CPT1A: variants seen among roughly 807,000 people sequenced by gnomAD.
CPT1A encodes the protein carnitine palmitoyltransferase 1A, also known as carnitine O-palmitoyltransferase 1, liver isoform.
A neutral mutation model predicts 100.8 loss-of-function variants in CPT1A; 64 were observed. The observed-to-expected ratio is 0.63, with a 90% confidence interval of 0.52 to 0.78. CPT1A has a LOEUF of 0.78. Ranked by LOEUF, CPT1A falls within the 30% of genes least tolerant of loss-of-function variation. The probability of loss-of-function intolerance (pLI) is 0.00; values close to 1 mark genes in which losing one functional copy is unlikely to be tolerated. For missense variants in CPT1A, 802 were observed against 1,034.1 expected (o/e 0.78, Z 3.08); for synonymous variants, 363 against 396.0 (o/e 0.92, Z 0.99).
intron 9 of CPT1A, among the ~76,000 whole-genome samples, chr11:68,789,060 G>A (rs1855547802): frequency 6.6e-6 from 1 of 152,168 alleles, no homozygotes; most frequent in Admixed American, 6.6e-5. Flanking sequence ...TACTGGAATT[G>A]TTTTGATACT....
intron 5 of CPT1A, among the ~76,000 whole-genome samples, chr11:68,800,357 G>C (rs3794021): frequency 0.17 from 25,925 of 152,082 alleles, 2,504 homozygotes; most frequent in African/African-American, 0.27. Context: ...GAAAGTAACA[G>C]TGGTCAGGTG....
intron 9 of CPT1A, chr11:68,785,706 G>A (rs1408750694): frequency 6.4e-6 from 2 of 312,450 alleles, no homozygotes; most frequent in Non-Finnish European, 5.9e-6. Flanking sequence ...AGAATTAAGA[G>A]ACGATATCCG....
rs556759074 is a variant in CPT1A, at chr11:68,837,517, C to T, written c.-14+4258G>A. ...TGGGGAGAGAATAGGGACGTGGTCT[C>T]GGGTCCAGATGTCCTCAGCCACAGT... On this transcript the variant is annotated intron_variant, in intron 1 of 18. Transcript: ENST00000265641. Among the ~76,000 whole-genome samples the T allele has an allele frequency of 2.6e-5, 4 of 152,210 alleles. No homozygotes were observed. The South Asian group carries it at 6.2e-4, about 24-fold the overall frequency.
chr11:68,769,839 A>C (rs1328320514), intron 14 of CPT1A, among the ~76,000 whole-genome samples: 3 of 152,078 alleles, frequency 2.0e-5, no homozygotes, highest in African/African-American at 7.2e-5. Flanking sequence ...ACTTGAGGTC[A>C]GGAGCTCGAG....
intron 14 of CPT1A, among the ~76,000 whole-genome samples, chr11:68,769,089 T>C (rs1207367275): frequency 6.6e-6 from 1 of 152,236 alleles, no homozygotes; most frequent in Non-Finnish European, 1.5e-5. Flanking sequence ...TTCTCTTGGA[T>C]TATTTTTTTC....
At chr11:68,773,160 C>G (rs1855038899) in intron 14 of CPT1A, 105 bp downstream of exon 14, 1 of 1,567,050 alleles carries the variant, frequency 6.4e-7, no homozygotes, top group Non-Finnish European at 8.6e-7. Flanking sequence ...TGTGCTTCTC[C>G]TATGCCGGGT....
At chr11:68,843,861 G>A (rs1027568841), upstream of CPT1A, among the ~76,000 whole-genome samples, 4 of 152,200 alleles carry the variant, frequency 2.6e-5, no homozygotes, top group African/African-American at 7.2e-5. This position sits in a 1 kb window ranked among gnomAD's most constrained non-coding sequence, Gnocchi z 4.0. Flanking sequence ...GGGCCTTCGC[G>A]GTTTGCACTA....
rs1566338636 is a variant in CPT1A, at chr11:68,760,317, A to G, written c.2050T>C (p.Leu684=). 1 of 1,612,008 alleles carries G rather than the reference A, an allele frequency of 6.2e-7. No individual in the cohort carries two copies. The highest frequency in any genetic ancestry group is 1.1e-5 in the South Asian group (1 of 90,608). Residue 684 remains leucine, a synonymous_variant, in exon 17 of 19, where the codon TTA becomes CTA. Coordinates refer to ENST00000265641, the MANE Select transcript of CPT1A (RefSeq NM_001876.4). ...LKEVLSEPWR[L]STSQTPQQQV... ...TGCTGAGGGGTCTGGCTTGTTGATAATCTCCAAGGCTCAGATAAAACCTAT... is the reference window on the plus strand; with the variant it reads ...TGCTGAGGGGTCTGGCTTGTTGATAGTCTCCAAGGCTCAGATAAAACCTAT...
At chr11:68,828,906 G>A (rs1488253539) in intron 1 of CPT1A, among the ~76,000 whole-genome samples, 1 of 152,132 alleles carries the variant, frequency 6.6e-6, no homozygotes, top group Non-Finnish European at 1.5e-5. Flanking sequence ...GCTGCCTTGG[G>A]CCCCTCTGGC....
In CPT1A at chr11:68,798,960, G is replaced by C. The variant is rs148749923; in HGVS notation, c.693+258C>G. On this transcript the variant is annotated intron_variant, in intron 6 of 18. Coordinates refer to ENST00000265641, the MANE Select transcript of CPT1A (RefSeq NM_001876.4). ...GAGGATCACTTGAGCCCAGGAGTTTGAGACCAGCCTGGTCAACATAGTGAG... is the reference window on the plus strand; with the variant it reads ...GAGGATCACTTGAGCCCAGGAGTTTCAGACCAGCCTGGTCAACATAGTGAG... Among the ~76,000 whole-genome samples, 20 of 152,100 alleles carry C rather than the reference G, an allele frequency of 1.3e-4. No individual in the cohort carries two copies. The East Asian group carries it at 3.1e-3, about 24-fold the overall frequency.
chr11:68,757,934 G>A (rs909507102), intron 18 of CPT1A, among the ~76,000 whole-genome samples: 8 of 152,088 alleles, frequency 5.3e-5, no homozygotes, highest in South Asian at 2.1e-4. Flanking sequence ...GTGTTTGTGC[G>A]GGTGTGTTGT....
At chr11:68,842,629 T>G (rs1236110966), upstream of CPT1A, among the ~76,000 whole-genome samples, 1 of 152,112 alleles carries the variant, frequency 6.6e-6, no homozygotes, top group Non-Finnish European at 1.5e-5. Context: ...ACTAAAATAA[T>G]TCTTCCAGCG....
chr11:68,775,120 C>T (rs1407548834), intron 13 of CPT1A, among the ~76,000 whole-genome samples, 196 bp downstream of exon 13: 1 of 152,098 alleles, frequency 6.6e-6, no homozygotes, highest in Admixed American at 6.6e-5. Context: ...AAATATTTAC[C>T]GAGGCTTCCG....
rs11827064 is a variant in CPT1A, at chr11:68,765,628, C to A, written c.1741-2867G>T. ...CAAAGCAGGAGGCAAATAACTGCTG[C>A]AGACTAGAATTAATACCACTGTCTA... On this transcript the variant is annotated intron_variant, in intron 14 of 18. Transcript: ENST00000265641. Among the ~76,000 whole-genome samples the A allele has an allele frequency of 2.7e-3, 406 of 152,338 alleles. 3 individuals carry two copies. Among genetic ancestry groups the A allele is most frequent in the African/African-American group, 9.2e-3 (384 of 41,580 alleles).
At chr11:68,803,368 G>C (rs1477583899) in intron 5 of CPT1A, among the ~76,000 whole-genome samples, 2 of 152,160 alleles carry the variant, frequency 1.3e-5, no homozygotes, top group South Asian at 4.1e-4. Context: ...GAAGAATGGG[G>C]AATGACTGCA....
At chr11:68,833,862 T>G (rs1856944123) in intron 1 of CPT1A, among the ~76,000 whole-genome samples, 1 of 152,218 alleles carries the variant, frequency 6.6e-6, no homozygotes, top group East Asian at 1.9e-4. Context: ...TTTTCATTAT[T>G]ATTTTTTTTT....
intron 1 of CPT1A, among the ~76,000 whole-genome samples, chr11:68,840,611 G>C: frequency 6.6e-6 from 1 of 152,238 alleles, no homozygotes; most frequent in East Asian, 1.9e-4. Context: ...ATTTAACCTG[G>C]TAGGTAGTTG....
At chr11:68,776,724 CA>C (rs1377240676) in intron 12 of CPT1A, among the ~76,000 whole-genome samples, 2 of 152,072 alleles carry the variant, frequency 1.3e-5, no homozygotes, top group African/African-American at 4.8e-5. Context: ...ACCAAAAATA[CA>C]AAAATTAGGT....
At chr11:68,760,185 C>T (rs2153994777) in intron 17 of CPT1A, 40 bp downstream of exon 17, 1 of 1,438,628 alleles carries the variant, frequency 7.0e-7, no homozygotes, top group Non-Finnish European at 9.6e-7. Context: ...CATCCCATCA[C>T]CACGCCCCAC....
Sources: gnomAD v4.1 joint callset for allele counts (sites outside exome capture counted in the v4.1 genomes callset) on GRCh38, gnomAD v4.1.1 for gene constraint, Gnocchi (gnomAD v3.1) non-coding constraint, MANE v1.5 for transcripts, NCBI Gene and HGNC (gene_info 2026-07-23, HGNC 2026-07-21) for gene names.